Variants in NAA20 observed in about 807,000 individuals in gnomAD.
NAA20 encodes N-alpha-acetyltransferase 20, NatB catalytic subunit.
NAA20 carries 24 observed loss-of-function variants against 23.8 expected under a neutral mutation model. That is an observed-to-expected ratio of 1.01 (90% CI 0.73 to 1.42). The LOEUF (loss-of-function observed/expected upper bound fraction) is 1.42, where lower values mean the gene tolerates loss of function less well. Ranked by LOEUF, NAA20 falls within the 40% of genes most tolerant of loss-of-function variation. The pLI, the probability that NAA20 is intolerant of heterozygous loss-of-function variation, is 0.00. For synonymous variants in NAA20, 83 were observed against 77.7 expected (o/e 1.07, Z -0.36); for missense variants, 166 against 223.1 (o/e 0.74, Z 1.63).
At chr20:20,030,212 C>G (rs2043333770) in intron 4 of NAA20, among the ~76,000 whole-genome samples, 1 of 152,172 alleles carries the variant, frequency 6.6e-6, no homozygotes, top group Non-Finnish European at 1.5e-5. Context: ...ACATCTCACT[C>G]AGATGCAAAA....
At chr20:20,021,041 G>C (rs56165208) in intron 1 of NAA20, among the ~76,000 whole-genome samples, 11 of 28,062 alleles carry the variant, frequency 3.9e-4, no homozygotes, top group African/African-American at 5.0e-4. Context: ...CGGTGGGCGG[G>C]GGGGGGGGGG....
At chr20:20,024,150 C>T (rs138085364) in intron 2 of NAA20, among the ~76,000 whole-genome samples, 4 of 152,214 alleles carry the variant, frequency 2.6e-5, no homozygotes, top group African/African-American at 9.7e-5. Context: ...AAAAAGTTTG[C>T]TAACCCCTGA....
intron 4 of NAA20, 67 bp from the exon 5 acceptor site, chr20:20,032,441 T>A: frequency 1.3e-6 from 2 of 1,510,958 alleles, no homozygotes; most frequent in Non-Finnish European, 1.8e-6. Context: ...TTAAAAAAAA[T>A]ATGTATCTAT....
chr20:20,017,579 C>A, intron 1 of NAA20, 130 bp downstream of exon 1: 16 of 1,358,760 alleles, frequency 1.2e-5, no homozygotes, highest in South Asian at 3.2e-5. Context: ...GAACCACCCC[C>A]CGCCGGCCAA....
At chr20:20,020,729 A>G (rs535610332) in intron 1 of NAA20, among the ~76,000 whole-genome samples, 1 of 152,362 alleles carries the variant, frequency 6.6e-6, no homozygotes, top group East Asian at 1.9e-4. Context: ...CAAGTGTTCA[A>G]GTAAAGGAGA....
In NAA20 at chr20:20,026,833, C is replaced by T. The variant is rs775053883; in HGVS notation, c.219C>T (p.His73=). The change falls in exon 4 of 6, where the codon CAC becomes CAT. Residue 73 remains histidine (H), a synonymous_variant. Transcript: ENST00000334982. ...GSVAREEWHG[H]VTALSVAPEF... is the part of the protein sequence containing the mutation. ...TAGCTAGGGAAGAATGGCACGGGCACGTCACAGCTCTGTCTGTTGCCCCAG... is the reference window on the plus strand; with the variant it reads ...TAGCTAGGGAAGAATGGCACGGGCATGTCACAGCTCTGTCTGTTGCCCCAG... 1.4e-5 allele frequency: 23 copies of T among 1,614,044 alleles called. No individual in the cohort carries two copies. In the South Asian group the frequency reaches 1.5e-4, roughly 11 times the overall value.
chr20:20,017,372 G>T lies in NAA20; in HGVS notation c.-25G>T. 6.2e-7 allele frequency: 1 copy of T among 1,610,904 alleles called. No homozygotes were observed. ...GGGCGGGCGCGGGGTCTTGGCGAACGGTCTTCGGAAGCGGCGGCGGCGCGA... is the reference window on the plus strand; with the variant it reads ...GGGCGGGCGCGGGGTCTTGGCGAACTGTCTTCGGAAGCGGCGGCGGCGCGA... On this transcript the variant is annotated 5_prime_UTR_variant, in exon 1 of 6. Coordinates refer to ENST00000334982, the MANE Select transcript of NAA20 (RefSeq NM_016100.5).
intron 2 of NAA20, among the ~76,000 whole-genome samples, chr20:20,023,061 A>C (rs2043281979): frequency 6.6e-6 from 1 of 152,144 alleles, no homozygotes; most frequent in Admixed American, 6.5e-5. Flanking sequence ...CAAGGCAGGC[A>C]GATCACGAGG....
At position 20,017,426 on chromosome 20, in the gene NAA20, C is replaced by T; in HGVS notation, c.30C>T (p.Asp10=). The change falls in exon 1 of 6, where the codon GAC becomes GAT. Residue 10 remains aspartate, a synonymous_variant. Transcript: ENST00000334982. The part of the protein sequence containing the change: MTTLRAFTC[D]DLFRFNNINL... ...CCACGCTACGGGCCTTTACCTGCGA[C>T]GACCTGTTCCGCTTCAACAACATGT... The T allele has an allele frequency of 6.2e-7, 1 of 1,611,968 alleles. No homozygotes were observed. Among genetic ancestry groups the T allele is most frequent in the Non-Finnish European group, 8.5e-7 (1 of 1,179,426 alleles).
intron 1 of NAA20, 71 bp downstream of exon 1, chr20:20,017,520 C>T: frequency 6.5e-7 from 1 of 1,541,024 alleles, no homozygotes; most frequent in Non-Finnish European, 8.7e-7. Context: ...AGCTCCGGCC[C>T]CAGCCGCGCC....
At chr20:20,022,686 A>G (rs568510589) in intron 2 of NAA20, 5 of 479,756 alleles carry the variant, frequency 1.0e-5, no homozygotes, top group African/African-American at 6.1e-5. Context: ...TAATATCATG[A>G]CTTGGTAGAA....
At position 20,032,601 on chromosome 20, in the gene NAA20, G is replaced by C; in HGVS notation, c.399G>C (p.Thr133=). The C allele has an allele frequency of 1.2e-6, 2 of 1,612,092 alleles. No homozygotes were observed. Among genetic ancestry groups the C allele is most frequent in the Non-Finnish European group, 1.7e-6 (2 of 1,179,028 alleles). The part of the protein sequence containing the change: ...YKQLGYSVYR[T]VIEYYSASNG... Reference sequence around the variant, plus strand: ...AGTTGGGCTACAGTGTATATAGGACGGTCATAGAGTACTATTCGGCCAGCA... The same window carrying C: ...AGTTGGGCTACAGTGTATATAGGACCGTCATAGAGTACTATTCGGCCAGCA... Residue 133 remains threonine, a synonymous_variant, in exon 5 of 6, where the codon ACG becomes ACC. Transcript: ENST00000334982.
At chr20:20,029,616 CAAAAA>C (rs59199004) in intron 4 of NAA20, among the ~76,000 whole-genome samples, 1 of 125,416 alleles carries the variant, frequency 8.0e-6, no homozygotes, top group African/African-American at 2.9e-5. Flanking sequence ...GACTCCATCT[CAAAAA>C]AAAAAAAAAA....
At chr20:20,030,945 CCTCT>C (rs912010386) in intron 4 of NAA20, among the ~76,000 whole-genome samples, 40 of 152,086 alleles carry the variant, frequency 2.6e-4, no homozygotes, top group African/African-American at 9.4e-4. Context: ...CTATGCAAGA[CCTCT>C]CTGACATTTA....
intron 1 of NAA20, chr20:20,018,378 A>G: frequency 3.1e-6 from 1 of 326,912 alleles, no homozygotes; most frequent in Non-Finnish European, 5.8e-6. Flanking sequence ...ATCCACTTTA[A>G]AAAAACAACA....
At chr20:20,026,974 C>T (rs1384073607) in intron 4 of NAA20, 55 bp downstream of exon 4, 22 of 1,608,418 alleles carry the variant, frequency 1.4e-5, no homozygotes, top group Non-Finnish European at 1.6e-5. Flanking sequence ...TAACCATTTT[C>T]TTCCCCTTCA....
intron 4 of NAA20, among the ~76,000 whole-genome samples, chr20:20,028,834 C>T (rs1235059467): frequency 6.6e-6 from 1 of 152,086 alleles, no homozygotes; most frequent in Non-Finnish European, 1.5e-5. Context: ...GGAAATTAAA[C>T]CAGCAAAACA....
At chr20:20,022,332 T>TTA in intron 1 of NAA20, 124 bp from the exon 2 acceptor site, 1 of 960,180 alleles carries the variant, frequency 1.0e-6, no homozygotes. Context: ...AAAGTTGGCC[T>TTA]TAAAGTTGTT....
intron 1 of NAA20, 137 bp from the exon 2 acceptor site, chr20:20,022,319 C>A: frequency 1.4e-6 from 1 of 734,626 alleles, no homozygotes; most frequent in East Asian, 2.8e-5. Flanking sequence ...CTGCCTCAGC[C>A]CTAAAGTTGG....
Sources: gnomAD v4.1 joint callset for allele counts (sites outside exome capture counted in the v4.1 genomes callset) on GRCh38, gnomAD v4.1.1 for gene constraint, MANE v1.5 for transcripts, NCBI Gene and HGNC (gene_info 2026-07-23, HGNC 2026-07-21) for gene names.